The following ZFP42 variants were observed in gnomAD, a reference collection of about 807,000 sequenced individuals.
ZFP42 encodes the protein zinc finger protein 42 homolog.
For synonymous variants in ZFP42, 175 were observed against 144.6 expected, an observed-to-expected ratio of 1.21 and a Z score of -1.51; for missense variants, 438 against 377.1, an observed-to-expected ratio of 1.16 and a Z score of -1.34.
chr4:188,004,086 T>C lies in ZFP42; in HGVS notation c.*346T>C, dbSNP rs1733965606. On this transcript the variant is annotated 3_prime_UTR_variant, in exon 4 of 4. Transcript: ENST00000326866. The stretch of plus-strand genomic sequence containing the variant: ...ATTGGATATAAGACTTATTTTCATG[T>C]ACTATAAATATGAAAATAACTTTGA... 1 of 185,938 alleles carries C rather than the reference T, an allele frequency of 5.4e-6. No individual in the cohort carries two copies. The highest frequency in any genetic ancestry group is 2.4e-5 in the African/African-American group (1 of 41,998). The allele number at this position is 185,938 out of a possible 1,614,324, so 11.5% of individuals were successfully genotyped here. A position where few individuals can be genotyped will look rare whatever the true frequency, so the allele number is the denominator to read the frequency against.
rs1358398424 is a variant in ZFP42, at chr4:188,003,346, A to G, written c.539A>G (p.Lys180Arg). Residue 180 changes from lysine (K) to arginine (R), a missense_variant, in exon 4 of 4, where the codon AAA becomes AGA. Lys to Arg is a conservative substitution (Grantham distance 26, BLOSUM62 2). Transcript: ENST00000326866. The stretch of plus-strand genomic sequence containing the variant: ...GCTAGAAAGAAGCCCCCCATAAATA[A>G]AGAATATGACAGTCTGAGCGCAATC... Reference protein sequence around the residue: ...EFARKKPPINKEYDSLSAIAC... With the variant: ...EFARKKPPINREYDSLSAIAC... 1 of 1,613,986 alleles carries G rather than the reference A, an allele frequency of 6.2e-7. No individual in the cohort carries two copies. Among genetic ancestry groups the G allele is most frequent in the African/African-American group, 1.3e-5 (1 of 75,016 alleles).
In ZFP42 at chr4:188,003,572, C is replaced by T. The variant is rs750488291; in HGVS notation, c.765C>T (p.Arg255=). ...FRCTFEGCGK[R]FSLDFNLRTH... ...GCACTTTTGAAGGGTGCGGAAAGCG[C>T]TTCTCTCTGGACTTTAATTTGCGTA... The change falls in exon 4 of 4, where the codon CGC becomes CGT. Residue 255 remains arginine (R), a synonymous_variant. Coordinates refer to ENST00000326866, the MANE Select transcript of ZFP42 (RefSeq NM_174900.5). 1 of 1,613,586 alleles carries T rather than the reference C, an allele frequency of 6.2e-7. No homozygotes were observed. The highest frequency in any genetic ancestry group is 1.7e-5 in the Admixed American group (1 of 60,014).
Position 188,003,952 on chromosome 4 carries a change from T to G in ZFP42, c.*212T>G. 1 of 488,308 alleles carries G rather than the reference T, an allele frequency of 2.0e-6. No individual in the cohort carries two copies. The highest frequency in any genetic ancestry group is 3.7e-6 in the Non-Finnish European group (1 of 271,762). The allele number at this position is 488,308 out of a possible 1,614,324, so 30.2% of individuals were successfully genotyped here. A position where few individuals can be genotyped will look rare whatever the true frequency, so the allele number is the denominator to read the frequency against. On this transcript the variant is annotated 3_prime_UTR_variant, in exon 4 of 4. Coordinates refer to ENST00000326866, the MANE Select transcript of ZFP42 (RefSeq NM_174900.5). ...TTTTATTTGTTTTATTTAGAACTTTTTTTATTTGTTTTATTTAGAACTTTG... is the reference window on the plus strand; with the variant it reads ...TTTTATTTGTTTTATTTAGAACTTTGTTTATTTGTTTTATTTAGAACTTTG...
chr4:187,997,976 ATGTT>A (rs1007961112), intron 1 of ZFP42, among the ~76,000 whole-genome samples: 3 of 152,364 alleles, frequency 2.0e-5, no homozygotes, highest in Non-Finnish European at 2.9e-5. Context: ...AGGTGAAAAA[ATGTT>A]TGTGTTTTAA....
rs147351388 is a variant in ZFP42, at chr4:188,003,639, C to G, written c.832C>G (p.Pro278Ala). 6.2e-7 allele frequency: 1 copy of G among 1,613,430 alleles called. No individual in the cohort carries two copies. Among genetic ancestry groups the G allele is most frequent in the Non-Finnish European group, 8.5e-7 (1 of 1,180,002 alleles). Residue 278 changes from proline (P) to alanine (A), a missense_variant, in exon 4 of 4, where the codon CCC becomes GCC. By Grantham distance (27) the Pro-to-Ala change is conservative. Coordinates refer to ENST00000326866, the MANE Select transcript of ZFP42 (RefSeq NM_174900.5). ...CACGGGGGAGAAACGTTTCGTGTGT[C>G]CCTTTCAAGGCTGCAACAGGAGGTT... Reference protein sequence around the residue: ...IHTGEKRFVCPFQGCNRRFIQ... With the variant: ...IHTGEKRFVCAFQGCNRRFIQ...
At chr4:188,000,044 C>T (rs1429189611) in intron 3 of ZFP42, among the ~76,000 whole-genome samples, 2 of 152,066 alleles carry the variant, frequency 1.3e-5, no homozygotes, top group Non-Finnish European at 2.9e-5. Context: ...ATTTTTTATC[C>T]AAAGTGCTTG....
In ZFP42 at chr4:188,004,473, C is replaced by A. The variant is rs1301142155; in HGVS notation, c.*733C>A. 6.6e-6 allele frequency: 1 copy of A among 152,274 alleles called. No homozygotes were observed. The highest frequency in any genetic ancestry group is 2.4e-5 in the African/African-American group (1 of 41,404). 9.4% of individuals were successfully genotyped at this position (152,274 alleles called of 1,614,324 possible). On this transcript the variant is annotated 3_prime_UTR_variant, in exon 4 of 4. Coordinates refer to ENST00000326866, the MANE Select transcript of ZFP42 (RefSeq NM_174900.5). ...TAGCTGGGACTACAGGTGTGTGTCA[C>A]CACGCCCGGCTAATTTTTGTATTTT...
intron 3 of ZFP42, 21 bp from the exon 4 acceptor site, chr4:188,002,692 A>C: frequency 2.4e-6 from 2 of 836,258 alleles, no homozygotes. Flanking sequence ...ATTTTAACTA[A>C]AGGTTATTAT....
At chr4:187,997,932 A>G (rs372215806) in intron 1 of ZFP42, among the ~76,000 whole-genome samples, 117 of 152,366 alleles carry the variant, frequency 7.7e-4, no homozygotes, top group African/African-American at 2.7e-3. Flanking sequence ...AAAATTTTAC[A>G]GAATAAGAAT....
Position 188,003,467 on chromosome 4 carries a change from G to A in ZFP42, c.660G>A (p.Ala220=), listed in dbSNP as rs766468992. The A allele has an allele frequency of 2.2e-5, 36 of 1,613,828 alleles. No homozygotes were observed. The highest frequency in any genetic ancestry group is 2.7e-5 in the Non-Finnish European group (32 of 1,180,028). The change falls in exon 4 of 4, where the codon GCG becomes GCA. Residue 220 remains alanine, a synonymous_variant. Coordinates refer to ENST00000326866, the MANE Select transcript of ZFP42 (RefSeq NM_174900.5). The part of the protein sequence containing the change: ...LIHGPRDHVC[A]ECGKAFVESS... ...ATGGTCCCCGAGACCACGTCTGTGC[G>A]GAATGTGGGAAAGCGTTCGTTGAGA...
In ZFP42 at chr4:188,002,729, G is replaced by T; in HGVS notation, c.-79G>T. On this transcript the variant is annotated 5_prime_UTR_variant, in exon 4 of 4. Transcript: ENST00000326866. ...ATAAAGCAGGTGTTTGCTGAAGACA[G>T]CTTACTCAGATCACTACTGCCTGGA... 8.2e-7 allele frequency: 1 copy of T among 1,220,120 alleles called. No homozygotes were observed. The highest frequency in any genetic ancestry group is 1.2e-6 in the Non-Finnish European group (1 of 854,342). 75.6% of individuals were successfully genotyped at this position (1,220,120 alleles called of 1,614,324 possible). A position where few individuals can be genotyped will look rare whatever the true frequency, so the allele number is the denominator to read the frequency against.
intron 3 of ZFP42, among the ~76,000 whole-genome samples, chr4:188,000,305 G>A (rs745615712): frequency 1.3e-5 from 2 of 152,064 alleles, no homozygotes. Context: ...TTTAATCCTA[G>A]TAATTACCCT....
At chr4:188,002,257 C>G (rs960656439) in intron 3 of ZFP42, among the ~76,000 whole-genome samples, 2 of 152,222 alleles carry the variant, frequency 1.3e-5, no homozygotes, top group African/African-American at 4.8e-5. Context: ...CACTTACCAC[C>G]CTAGTGAAGG....
intron 3 of ZFP42, among the ~76,000 whole-genome samples, chr4:188,001,340 T>G (rs1733812700): frequency 6.6e-6 from 1 of 152,216 alleles, no homozygotes; most frequent in Non-Finnish European, 1.5e-5. Context: ...ACTTTTATAG[T>G]CAAAGCAATA....
At chr4:187,999,889 AAAG>A (rs1733745294) in intron 3 of ZFP42, among the ~76,000 whole-genome samples, 1 of 152,370 alleles carries the variant, frequency 6.6e-6, no homozygotes, top group South Asian at 2.1e-4. Flanking sequence ...TAGTGAGAAA[AAAG>A]AACATTTGTA....
chr4:187,998,822 T>C, intron 1 of ZFP42, among the ~76,000 whole-genome samples: 1 of 152,336 alleles, frequency 6.6e-6, no homozygotes, highest in Middle Eastern at 3.4e-3. Flanking sequence ...GATACATTTC[T>C]CAGAACATAT....
chr4:188,005,189 G>A (rs1734006910), downstream of ZFP42: 1 of 163,880 alleles, frequency 6.1e-6, no homozygotes, highest in Admixed American at 6.5e-5. Context: ...CTTACGTGTG[G>A]TTGGATAAGG....
chr4:188,002,115 T>C (rs1382735225), intron 3 of ZFP42, among the ~76,000 whole-genome samples: 1 of 152,052 alleles, frequency 6.6e-6, no homozygotes, highest in Non-Finnish European at 1.5e-5. Flanking sequence ...AGGTGGAGGT[T>C]GCAATGAGCT....
In ZFP42 at chr4:187,996,025, T is replaced by G. The variant is rs184507942; in HGVS notation, c.-339+185T>G. The stretch of plus-strand genomic sequence containing the variant: ...CCCTCGCCCTGCGGTGACCCGTGGC[T>G]GGCCACTGGCCTCAAATGTTGAAAA... On this transcript the variant is annotated intron_variant, in intron 1 of 3. Transcript: ENST00000326866. Among the ~76,000 whole-genome samples the G allele has an allele frequency of 4.6e-5, 7 of 152,330 alleles. No homozygotes were observed. In the East Asian group the frequency reaches 1.4e-3, roughly 30 times the overall value.
Sources: gnomAD v4.1 joint callset for allele counts (sites outside exome capture counted in the v4.1 genomes callset) on GRCh38, gnomAD v4.1.1 for gene constraint, MANE v1.5 for transcripts, NCBI Gene and HGNC (gene_info 2026-07-23, HGNC 2026-07-21) for gene names.